SLC26A5: variants seen among roughly 807,000 people sequenced by gnomAD.
SLC26A5 encodes the protein prestin.
Under a neutral mutation model 81.0 loss-of-function variants are expected in SLC26A5, and 51 were observed. The observed-to-expected ratio is 0.63, with a 90% CI of 0.50 to 0.80. SLC26A5 has a LOEUF of 0.80. Ranked by LOEUF, SLC26A5 falls within the 30% of genes least tolerant of loss-of-function variation. The probability of loss-of-function intolerance (pLI) is 0.00; values close to 1 mark genes in which losing one functional copy is unlikely to be tolerated. For missense variants in SLC26A5, 771 were observed against 905.8 expected (o/e 0.85, Z 1.91); for synonymous variants, 325 against 332.8 (o/e 0.98, Z 0.25).
At chr7:103,410,908 TGTGAGCCA>T (rs1824435941) in intron 6 of SLC26A5, among the ~76,000 whole-genome samples, 1 of 152,068 alleles carries the variant, frequency 6.6e-6, no homozygotes, top group South Asian at 2.1e-4. Context: ...GGATTAAAGG[TGTGAGCCA>T]CCGCGCCCAG....
At chr7:103,376,719 A>C in intron 19 of SLC26A5, 89 bp downstream of exon 19, 1 of 957,144 alleles carries the variant, frequency 1.0e-6, no homozygotes, top group Non-Finnish European at 1.6e-6. Context: ...AAAATAATTA[A>C]AATTAAGGAC....
In SLC26A5 at chr7:103,390,441, T is replaced by G. The variant is rs1822552456; in HGVS notation, c.1299A>C (p.Glu433Asp). The G allele has an allele frequency of 6.2e-7, 1 of 1,613,986 alleles. No homozygotes were observed. Among genetic ancestry groups the G allele is most frequent in the Admixed American group, 1.7e-5 (1 of 60,000 alleles). ...ACATTACACACACCTGGGGCAATGA[T>G]TCAAAGAGGAATCCAGTTGCTAATA... The part of the protein sequence containing the change: ...LVILATGFLF[E>D]SLPQAVLSAI... Residue 433 changes from glutamate to aspartate, a missense_variant, in exon 12 of 20, where the codon GAA becomes GAC. Coordinates refer to ENST00000306312, the MANE Select transcript of SLC26A5 (RefSeq NM_198999.3).
chr7:103,421,032 G>A (rs1396001620), intron 3 of SLC26A5, among the ~76,000 whole-genome samples, 155 bp from the exon 4 acceptor site: 3 of 151,972 alleles, frequency 2.0e-5, no homozygotes, highest in African/African-American at 7.2e-5. Flanking sequence ...TAGGAGTCAG[G>A]GATAGGGAAA....
chr7:103,371,744 G>A (rs1188166306), downstream of SLC26A5, among the ~76,000 whole-genome samples: 2 of 146,070 alleles, frequency 1.4e-5, no homozygotes, highest in African/African-American at 2.5e-5. Context: ...CACCCAGGCT[G>A]GAGTGCAATG....
Position 103,421,362 on chromosome 7 carries a change from C to T in SLC26A5, c.152+1G>A, listed in dbSNP as rs966703476. 1.2e-6 allele frequency: 2 copies of T among 1,613,974 alleles called. No individual in the cohort carries two copies. The highest frequency in any genetic ancestry group is 1.7e-6 in the Non-Finnish European group (2 of 1,179,926). The stretch of plus-strand genomic sequence containing the variant: ...CAGAAACAGGTTAAAAGGCAACGTA[C>T]GTGAATGCCTGTTTCAGCTTATCCG... On this transcript the variant is annotated splice_donor_variant, in intron 3 of 19. Coordinates refer to ENST00000306312, the MANE Select transcript of SLC26A5 (RefSeq NM_198999.3). LOFTEE classifies it high-confidence loss of function.
intron 9 of SLC26A5, among the ~76,000 whole-genome samples, chr7:103,393,570 TG>T (rs1271191958): frequency 5.3e-4 from 1 of 1,880 alleles, no homozygotes; most frequent in East Asian, 0.014. Context: ...CCTCTTCCTG[TG>T]TGTGTGTGTG....
chr7:103,370,457 CTT>C (rs536684326), downstream of SLC26A5, among the ~76,000 whole-genome samples: 15 of 151,548 alleles, frequency 9.9e-5, 1 homozygote, highest in East Asian at 2.5e-3. Context: ...GCTACCCTCT[CTT>C]TTCTTCATCC....
chr7:103,428,906 A>G lies in SLC26A5; in HGVS notation c.-53-7339T>C, dbSNP rs146103856. ...TTAAGTGTACAGCAGTGGGTGGTTA[A>G]CTGCAGGTACTATGCTGTACTGTAG... On this transcript the variant is annotated intron_variant, in intron 2 of 19. Transcript: ENST00000306312. 2.0e-3 allele frequency among the ~76,000 whole-genome samples: 312 copies of G among 152,262 alleles called. 2 individuals carry two copies. The highest frequency in any genetic ancestry group is 7.1e-3 in the African/African-American group (293 of 41,540).
At chr7:103,382,869 G>C (rs527901351) in intron 14 of SLC26A5, among the ~76,000 whole-genome samples, 9 of 152,322 alleles carry the variant, frequency 5.9e-5, no homozygotes, top group Middle Eastern at 3.4e-3. Context: ...TTCAATGTCA[G>C]ACAGCTTGCC....
intron 16 of SLC26A5, among the ~76,000 whole-genome samples, chr7:103,379,033 A>C (rs1185829091): frequency 6.6e-6 from 1 of 152,230 alleles, no homozygotes; most frequent in African/African-American, 2.4e-5. Flanking sequence ...ATGGCTGCAC[A>C]ATGTTTATGT....
intron 19 of SLC26A5, among the ~76,000 whole-genome samples, chr7:103,365,710 A>G (rs1302014940): frequency 6.6e-6 from 1 of 152,058 alleles, no homozygotes; most frequent in African/African-American, 2.4e-5. Context: ...CGGGTGGAAC[A>G]TGAGGTCAGG....
chr7:103,368,292 C>T (rs539028412), intron 19 of SLC26A5: 1 of 403,548 alleles, frequency 2.5e-6, no homozygotes, highest in Non-Finnish European at 4.4e-6. Context: ...ATACAAAGCG[C>T]TTGCTTAGAT....
intron 19 of SLC26A5, chr7:103,361,843 T>C: frequency 1.0e-6 from 1 of 999,456 alleles, no homozygotes; most frequent in Non-Finnish European, 1.4e-6. Context: ...TGTCCCAGTT[T>C]CTGTAGTTCT....
At chr7:103,442,551 ATAAT>A (rs1826958718) in intron 2 of SLC26A5, among the ~76,000 whole-genome samples, 1 of 152,198 alleles carries the variant, frequency 6.6e-6, no homozygotes, top group Non-Finnish European at 1.5e-5. Context: ...AATCTGATTA[ATAAT>A]TAATCAGAAT....
In SLC26A5 at chr7:103,367,772, A is replaced by G; in HGVS notation, c.2041+9036T>C. 1 of 1,614,086 alleles carries G rather than the reference A, an allele frequency of 6.2e-7. No individual in the cohort carries two copies. The highest frequency in any genetic ancestry group is 2.2e-5 in the East Asian group (1 of 44,880). On this transcript the variant is annotated intron_variant, in intron 19 of 19. Transcript: ENST00000339444. This position sits in a 1 kb window ranked among gnomAD's most constrained non-coding sequence, Gnocchi z 6.1. ...CAATGAGTGTTGAAAGAGATATCAG[A>G]TTTGAACTGTTAGCACGACTGTGTC...
intron 17 of SLC26A5, 118 bp from the exon 18 acceptor site, chr7:103,377,917 C>G (rs1255121901): frequency 9.8e-6 from 9 of 919,572 alleles, no homozygotes; most frequent in Non-Finnish European, 1.4e-5. Context: ...TCTACCAGAC[C>G]CCTTGTAAAA....
chr7:103,442,219 G>A (rs1326765965), intron 2 of SLC26A5, among the ~76,000 whole-genome samples: 1 of 151,976 alleles, frequency 6.6e-6, no homozygotes, highest in African/African-American at 2.4e-5. Flanking sequence ...TCGGCTCACT[G>A]CAACCTCCAC....
At chr7:103,446,067 C>T (rs1340156578) in intron 1 of SLC26A5, 31 bp downstream of exon 1, 1 of 151,964 alleles carries the variant, frequency 6.6e-6, no homozygotes, top group Non-Finnish European at 1.5e-5. Flanking sequence ...GACCGCGACC[C>T]CCGGCCCCGC....
chr7:103,377,640 C>G lies in SLC26A5; in HGVS notation c.1945G>C (p.Val649Leu). 6.2e-7 allele frequency: 1 copy of G among 1,614,074 alleles called. No individual in the cohort carries two copies. Among genetic ancestry groups the G allele is most frequent in the South Asian group, 1.1e-5 (1 of 91,074 alleles). Residue 649 changes from valine to leucine, a missense_variant, in exon 18 of 20, where the codon GTC becomes CTC. Transcript: ENST00000306312. ...VHTVILDFTQVNFIDSVGVKT... is the reference protein window; with the variant it reads ...VHTVILDFTQLNFIDSVGVKT... Reference sequence around the variant, plus strand: ...ACTCCAACAGAATCAATAAAATTGACTTGAGTGAAATCCAAAATGACAGTG... The same window carrying G: ...ACTCCAACAGAATCAATAAAATTGAGTTGAGTGAAATCCAAAATGACAGTG...
Sources: gnomAD v4.1 joint callset for allele counts (sites outside exome capture counted in the v4.1 genomes callset) on GRCh38, gnomAD v4.1.1 for gene constraint, Gnocchi (gnomAD v3.1) non-coding constraint, MANE v1.5 for transcripts, NCBI Gene and HGNC (gene_info 2026-07-23, HGNC 2026-07-21) for gene names.